ZNF764: variants seen among roughly 807,000 people sequenced by gnomAD.
ZNF764 encodes zinc finger protein 764.
In ZNF764, 10 loss-of-function variants were observed where a neutral mutation model predicts 13.9. The ratio of observed to expected loss-of-function variants is 0.72; its 90% CI spans 0.44 to 1.22. The LOEUF is 1.22. ZNF764 is among the 50% of genes most tolerant of loss of function. The pLI, the probability that ZNF764 is intolerant of heterozygous loss-of-function variation, is 0.00. For missense variants in ZNF764, 647 were observed against 589.7 expected, an observed-to-expected ratio of 1.10 and a Z score of -1.01; for synonymous variants, 313 against 255.1, an observed-to-expected ratio of 1.23 and a Z score of -2.16.
chr16:30,555,677 C>T lies in ZNF764; in HGVS notation c.741G>A (p.Ser247=), dbSNP rs369303755. 2.6e-6 allele frequency: 4 copies of T among 1,556,592 alleles called. No individual in the cohort carries two copies. Among genetic ancestry groups the T allele is most frequent in the East Asian group, 2.3e-5 (1 of 42,744 alleles). The change falls in exon 3 of 3, where the codon TCG becomes TCA. Residue 247 remains serine (S), a synonymous_variant. Transcript: ENST00000395091. Reference sequence around the variant, plus strand: ...TCTCGCCGGTGTGGACGCGCAGGTGCGAAGTCAGCGCCGAGCGCTGCGTGA... The same window carrying T: ...TCTCGCCGGTGTGGACGCGCAGGTGTGAAGTCAGCGCCGAGCGCTGCGTGA... ...RAFTQRSALT[S]HLRVHTGEKP...
At chr16:30,557,617 G>C (rs951179208) in intron 2 of ZNF764, 116 bp downstream of exon 2, 60 of 1,437,452 alleles carry the variant, frequency 4.2e-5, no homozygotes, top group Non-Finnish European at 5.3e-5. Flanking sequence ...CGTCGTCGCA[G>C]TTGAGAAGGC....
Position 30,558,241 on chromosome 16 carries a change from G to A in ZNF764, c.-59C>T, listed in dbSNP as rs2151226640. The A allele has an allele frequency of 5.5e-6, 8 of 1,464,390 alleles. No individual in the cohort carries two copies. Among genetic ancestry groups the A allele is most frequent in the South Asian group, 1.4e-5 (1 of 72,950 alleles). 90.7% of individuals were successfully genotyped at this position (1,464,390 alleles called of 1,614,324 possible). A position where few individuals can be genotyped will look rare whatever the true frequency, so the allele number is the denominator to read the frequency against. ...CTCCCCTGGCCTGGCCTGGGCCTGC[G>A]GAACCTCCTGCGCCCGAGAAAGCCT... On this transcript the variant is annotated 5_prime_UTR_variant, in exon 1 of 3. Coordinates refer to ENST00000395091, the MANE Select transcript of ZNF764 (RefSeq NM_001172679.2).
At position 30,558,289 on chromosome 16, in the gene ZNF764, G is replaced by A. The variant is rs2051576450; in HGVS notation, c.-107C>T. The A allele has an allele frequency of 3.0e-6, 4 of 1,355,172 alleles. No individual in the cohort carries two copies. The highest frequency in any genetic ancestry group is 2.9e-5 in the Admixed American group (1 of 34,874). 83.9% of individuals were successfully genotyped at this position (1,355,172 alleles called of 1,614,324 possible). A position where few individuals can be genotyped will look rare whatever the true frequency, so the allele number is the denominator to read the frequency against. On this transcript the variant is annotated 5_prime_UTR_variant, in exon 1 of 3. Transcript: ENST00000395091. ...CCTCCCCGGCCCGGGCCCAAGGGAA[G>A]GAGGGAGGTTACTAGGGCCCCCGAG...
rs369837833 is a variant in ZNF764 at position 30,558,262 on chromosome 16, A to G, written c.-80T>C. 2.4e-5 allele frequency: 35 copies of G among 1,430,808 alleles called. No individual in the cohort carries two copies. The East Asian group carries it at 5.2e-4, about 21-fold the overall frequency. 88.6% of individuals were successfully genotyped at this position (1,430,808 alleles called of 1,614,324 possible). A position where few individuals can be genotyped will look rare whatever the true frequency, so the allele number is the denominator to read the frequency against. On this transcript the variant is annotated 5_prime_UTR_variant, in exon 1 of 3. Coordinates refer to ENST00000395091, the MANE Select transcript of ZNF764 (RefSeq NM_001172679.2). Reference sequence around the variant, plus strand: ...CTGCGGAACCTCCTGCGCCCGAGAAAGCCTCCCCGGCCCGGGCCCAAGGGA... The same window carrying G: ...CTGCGGAACCTCCTGCGCCCGAGAAGGCCTCCCCGGCCCGGGCCCAAGGGA...
Position 30,555,720 on chromosome 16 carries a change from A to C in ZNF764, c.698T>G (p.Leu233Arg). 12 of 1,593,798 alleles carry C rather than the reference A, an allele frequency of 7.5e-6. No individual in the cohort carries two copies. Among genetic ancestry groups the C allele is most frequent in the Non-Finnish European group, 1.0e-5 (12 of 1,172,688 alleles). Residue 233 changes from leucine (L) to arginine (R), a missense_variant, in exon 3 of 3, where the codon CTG (leucine) becomes CGG (arginine). By Grantham distance (102) the Leu-to-Arg change is moderately radical. Coordinates refer to ENST00000395091, the MANE Select transcript of ZNF764 (RefSeq NM_001172679.2). Reference protein sequence around the residue: ...IHRGERPHRCLECGRAFTQRS... With the variant: ...IHRGERPHRCRECGRAFTQRS... ...CTGCGTGAAGGCCCGGCCACACTCC[A>C]GACAGCGGTGGGGCCGCTCCCCACG...
Position 30,555,203 on chromosome 16 carries a change from C to A in ZNF764, c.1215G>T (p.Glu405Asp). The A allele has an allele frequency of 1.2e-6, 2 of 1,609,224 alleles. No homozygotes were observed. The highest frequency in any genetic ancestry group is 2.2e-5 in the East Asian group (1 of 44,800). Reference protein sequence around the residue: ...GFQLYPEIFQECG With the variant: ...GFQLYPEIFQDCG ...GTCACTTTTAAGGCCGTCACCCACACTCCTGGAATATCTCCGGGTACAGCT... is the reference window on the plus strand; with the variant it reads ...GTCACTTTTAAGGCCGTCACCCACAATCCTGGAATATCTCCGGGTACAGCT... Residue 405 changes from glutamate (E) to aspartate (D), a missense_variant, in exon 3 of 3, where the codon GAG becomes GAT. Glu to Asp is a conservative substitution (Grantham distance 45, BLOSUM62 2). Coordinates refer to ENST00000395091, the MANE Select transcript of ZNF764 (RefSeq NM_001172679.2).
chr16:30,555,736 G>A lies in ZNF764; in HGVS notation c.682C>T (p.Arg228Trp), dbSNP rs1200337388. Residue 228 changes from arginine (R) to tryptophan (W), a missense_variant, in exon 3 of 3, where the codon CGG (arginine) becomes TGG (tryptophan). Physicochemically the swap from Arg to Trp is moderately radical, Grantham distance 101. Coordinates refer to ENST00000395091, the MANE Select transcript of ZNF764 (RefSeq NM_001172679.2). ...SKHRAIHRGERPHRCLECGRA... is the reference protein window; with the variant it reads ...SKHRAIHRGEWPHRCLECGRA... Reference sequence around the variant, plus strand: ...CCACACTCCAGACAGCGGTGGGGCCGCTCCCCACGATGGATGGCCCGGTGT... The same window carrying A: ...CCACACTCCAGACAGCGGTGGGGCCACTCCCCACGATGGATGGCCCGGTGT... The A allele has an allele frequency of 3.1e-6, 5 of 1,599,768 alleles. No individual in the cohort carries two copies. The highest frequency in any genetic ancestry group is 1.3e-5 in the African/African-American group (1 of 74,720).
Position 30,556,037 on chromosome 16 carries a change from G to C in ZNF764, c.381C>G (p.Ala127=). The C allele has an allele frequency of 6.2e-7, 1 of 1,612,940 alleles. No individual in the cohort carries two copies. Among genetic ancestry groups the C allele is most frequent in the Non-Finnish European group, 8.5e-7 (1 of 1,180,012 alleles). The change falls in exon 3 of 3, where the codon GCC becomes GCG. Residue 127 remains alanine, a synonymous_variant. Transcript: ENST00000395091. The part of the protein sequence containing the change: ...TGALEKPDPV[A]AGSPGLKSPQ... ...GAGACTTCAGCCCAGGAGACCCGGC[G>C]GCCACAGGGTCGGGCTTCTCCAGGG...
intron 2 of ZNF764, among the ~76,000 whole-genome samples, chr16:30,556,632 G>C (rs1157729124): frequency 6.6e-6 from 1 of 152,000 alleles, no homozygotes; most frequent in South Asian, 2.1e-4. Context: ...GGGAGGTAGA[G>C]AAGGAGGATC....
Position 30,558,349 on chromosome 16 carries a change from A to T in ZNF764, c.-167T>A. ...GAGGGCGTGGAAACTAACGGTGCCGATGGCAGCGGGTGTATAATCAGAAAT... is the reference window on the plus strand; with the variant it reads ...GAGGGCGTGGAAACTAACGGTGCCGTTGGCAGCGGGTGTATAATCAGAAAT... On this transcript the variant is annotated 5_prime_UTR_variant, in exon 1 of 3. Transcript: ENST00000395091. 2.7e-6 allele frequency: 2 copies of T among 732,974 alleles called. No individual in the cohort carries two copies. Among genetic ancestry groups the T allele is most frequent in the South Asian group, 3.8e-5 (2 of 52,034 alleles). 45.4% of individuals were successfully genotyped at this position (732,974 alleles called of 1,614,324 possible).
rs561744927 is a variant in ZNF764 at position 30,554,343 on chromosome 16, G to T, written c.*851C>A. On this transcript the variant is annotated 3_prime_UTR_variant, in exon 3 of 3. Transcript: ENST00000395091. ...TAAAAAGACAATGGAGGTGGTGGGT[G>T]CCTGTAGTCCCAGCTACTTGGGAGG... 6.6e-6 allele frequency: 1 copy of T among 152,394 alleles called. No homozygotes were observed. The highest frequency in any genetic ancestry group is 2.1e-4 in the South Asian group (1 of 4,830). The allele number at this position is 152,394 out of a possible 1,614,324, so 9.4% of individuals were successfully genotyped here.
Position 30,555,010 on chromosome 16 carries a change from C to G in ZNF764, c.*184G>C, listed in dbSNP as rs2051535599. The G allele has an allele frequency of 1.4e-6, 1 of 695,212 alleles. No individual in the cohort carries two copies. Among genetic ancestry groups the G allele is most frequent in the African/African-American group, 1.9e-5 (1 of 53,608 alleles). The allele number at this position is 695,212 out of a possible 1,614,324, so 43.1% of individuals were successfully genotyped here. On this transcript the variant is annotated 3_prime_UTR_variant, in exon 3 of 3. Transcript: ENST00000395091. ...TCAGTAGAGGGGGCCTTGGAGAGCC[C>G]TGGGCAGTGGGGAGCAAGGTGCTGG...
At chr16:30,557,380 C>A (rs1198878122) in intron 2 of ZNF764, among the ~76,000 whole-genome samples, 1 of 151,962 alleles carries the variant, frequency 6.6e-6, no homozygotes, top group Non-Finnish European at 1.5e-5. Flanking sequence ...GGTGGAAGGA[C>A]TGCTTAAGCC....
At position 30,557,179 on chromosome 16, in the gene ZNF764, G is replaced by A. The variant is rs192938764; in HGVS notation, c.310+554C>T. 6.0e-4 allele frequency among the ~76,000 whole-genome samples: 91 copies of A among 151,736 alleles called. 1 individual carries two copies. In the East Asian group the frequency reaches 0.014, roughly 23 times the overall value. On this transcript the variant is annotated intron_variant, in intron 2 of 2. Transcript: ENST00000395091. Reference sequence around the variant, plus strand: ...AAATTAAGCAGGCTTGGTGGCGGGCGCCTGTAATCCCAGCTACTTGGGAGG... The same window carrying A: ...AAATTAAGCAGGCTTGGTGGCGGGCACCTGTAATCCCAGCTACTTGGGAGG...
intron 2 of ZNF764, among the ~76,000 whole-genome samples, chr16:30,557,021 T>G (rs975776872): frequency 1.3e-5 from 2 of 151,874 alleles, no homozygotes; most frequent in Non-Finnish European, 2.9e-5. Flanking sequence ...GCGCCTGTAG[T>G]CCCAGCTACT....
Sources: allele counts gnomAD v4.1 joint callset (sites outside exome capture counted in the v4.1 genomes callset), GRCh38; gene constraint gnomAD v4.1.1; transcripts MANE v1.5; gene names NCBI Gene and HGNC (gene_info 2026-07-23, HGNC 2026-07-21).